The following EMC7 variants were observed in gnomAD, a reference collection of about 807,000 sequenced individuals.
EMC7 encodes the protein ER membrane protein complex subunit 7, also known as endoplasmic reticulum membrane protein complex subunit 7.
A neutral mutation model predicts 24.4 loss-of-function variants in EMC7; 4 were observed. The ratio of observed to expected loss-of-function variants is 0.16; its 90% CI spans 0.08 to 0.38. The LOEUF is 0.38. EMC7 is among the 10% of genes least tolerant of loss of function. EMC7 has a pLI of 1.00. For missense variants in EMC7, 221 were observed against 300.6 expected, an observed-to-expected ratio of 0.74 and a Z score of 1.96; for synonymous variants, 106 against 112.0, an observed-to-expected ratio of 0.95 and a Z score of 0.34.
intron 2 of EMC7, among the ~76,000 whole-genome samples, chr15:34,093,806 C>CACACACACAT (rs61440619): frequency 2.0e-4 from 6 of 30,252 alleles, no homozygotes; most frequent in African/African-American, 5.2e-4. Context: ...CACACACACA[C>CACACACACAT]ATATATATAT....
In EMC7 at chr15:34,101,725, C is replaced by T; in HGVS notation, c.115G>A (p.Val39Ile). The T allele has an allele frequency of 6.2e-7, 1 of 1,613,904 alleles. No homozygotes were observed. The change falls in exon 1 of 5, where the codon GTC becomes ATC. Residue 39 changes from valine (V) to isoleucine (I), a missense_variant. Physicochemically the swap from Val to Ile is conservative, Grantham distance 29 (BLOSUM62 3). Transcript: ENST00000256545. ...AAAEGSGGSGVGIGDRFKIEG... is the reference protein window; with the variant it reads ...AAAEGSGGSGIGIGDRFKIEG... Reference sequence around the variant, plus strand: ...ATCTTGAAGCGATCTCCTATGCCGACCCCACTCCCTCCCGATCCCTCAGCA... The same window carrying T: ...ATCTTGAAGCGATCTCCTATGCCGATCCCACTCCCTCCCGATCCCTCAGCA...
chr15:34,093,823 A>ATATATATATT (rs1190830993), intron 2 of EMC7, among the ~76,000 whole-genome samples: 8 of 48,706 alleles, frequency 1.6e-4, no homozygotes, highest in African/African-American at 5.5e-4. Context: ...ATATATATAT[A>ATATATATATT]TTTTTTTTTT....
At chr15:34,097,308 C>T (rs1358970507) in intron 1 of EMC7, among the ~76,000 whole-genome samples, 3 of 152,170 alleles carry the variant, frequency 2.0e-5, no homozygotes, top group Non-Finnish European at 2.9e-5. Flanking sequence ...GCTGGGATTA[C>T]AGGCGTGAGC....
intron 1 of EMC7, among the ~76,000 whole-genome samples, chr15:34,099,493 C>T (rs900669250): frequency 6.6e-6 from 1 of 152,180 alleles, no homozygotes; most frequent in Non-Finnish European, 1.5e-5. Context: ...CCAATAAGCA[C>T]AAATGTAAGT....
intron 1 of EMC7, among the ~76,000 whole-genome samples, chr15:34,099,835 G>A (rs1001545947): frequency 6.6e-6 from 1 of 151,746 alleles, no homozygotes; most frequent in Non-Finnish European, 1.5e-5. Flanking sequence ...AAACTCCTGG[G>A]CTCAAGCGAT....
At chr15:34,088,999 G>T (rs1317313504) in intron 3 of EMC7, among the ~76,000 whole-genome samples, 1 of 152,044 alleles carries the variant, frequency 6.6e-6, no homozygotes, top group Non-Finnish European at 1.5e-5. Flanking sequence ...TGGGATTACA[G>T]GTCCCCGCCA....
chr15:34,097,540 CA>C (rs1253116431), intron 1 of EMC7, among the ~76,000 whole-genome samples: 1 of 151,846 alleles, frequency 6.6e-6, no homozygotes, highest in African/African-American at 2.4e-5. Flanking sequence ...TTTCACAGAT[CA>C]AAATTAATTT....
chr15:34,088,215 T>C (rs1486200517), intron 3 of EMC7, 82 bp from the exon 4 acceptor site: 3 of 1,183,136 alleles, frequency 2.5e-6, no homozygotes, highest in Non-Finnish European at 3.6e-6. Flanking sequence ...CAACCAATGG[T>C]AAAATTAAAG....
intron 4 of EMC7, among the ~76,000 whole-genome samples, chr15:34,085,515 A>G (rs779383507): frequency 1.1e-4 from 16 of 150,434 alleles, no homozygotes; most frequent in Non-Finnish European, 2.2e-4. Flanking sequence ...TTTTTAGGAG[A>G]CAGTGCTCAG....
intron 3 of EMC7, among the ~76,000 whole-genome samples, chr15:34,089,383 T>A (rs1243186989): frequency 1.3e-5 from 2 of 152,236 alleles, no homozygotes; most frequent in Non-Finnish European, 2.9e-5. Context: ...ATACACATCG[T>A]ATGCCTATAT....
intron 1 of EMC7, among the ~76,000 whole-genome samples, chr15:34,099,005 T>C (rs1307635447): frequency 1.3e-5 from 2 of 152,110 alleles, no homozygotes; most frequent in Non-Finnish European, 2.9e-5. Flanking sequence ...GAAAGAACAA[T>C]TATATAAAAA....
intron 3 of EMC7, among the ~76,000 whole-genome samples, chr15:34,088,946 C>A (rs566161415): frequency 1.3e-5 from 2 of 152,100 alleles, no homozygotes; most frequent in Non-Finnish European, 2.9e-5. Context: ...ACCTCCACCC[C>A]CTCTGGTTCA....
At chr15:34,096,551 G>C (rs1396872599) in intron 1 of EMC7, among the ~76,000 whole-genome samples, 2 of 152,162 alleles carry the variant, frequency 1.3e-5, no homozygotes, top group African/African-American at 4.8e-5. Context: ...GACATAGAAA[G>C]TAATTATTTT....
intron 4 of EMC7, among the ~76,000 whole-genome samples, chr15:34,087,059 C>G (rs1266252397): frequency 6.6e-6 from 1 of 152,098 alleles, no homozygotes; most frequent in Non-Finnish European, 1.5e-5. Flanking sequence ...GAAAAAGTCA[C>G]AAAATCCCCT....
intron 2 of EMC7, among the ~76,000 whole-genome samples, chr15:34,093,823 A>ATATATATTTTTTT (rs1190830993): frequency 5.8e-4 from 28 of 48,676 alleles, no homozygotes; most frequent in African/African-American, 2.7e-3. Context: ...ATATATATAT[A>ATATATATTTTTTT]TTTTTTTTTT....
intron 3 of EMC7, among the ~76,000 whole-genome samples, chr15:34,089,047 G>A (rs1034677183): frequency 6.6e-6 from 1 of 151,834 alleles, no homozygotes; most frequent in Non-Finnish European, 1.5e-5. Context: ...TGATAGAGAT[G>A]AGGTTTCACC....
chr15:34,095,018 T>C (rs1327177873), intron 2 of EMC7, among the ~76,000 whole-genome samples: 1 of 152,232 alleles, frequency 6.6e-6, no homozygotes, highest in Admixed American at 6.5e-5. Flanking sequence ...TAACTGAACA[T>C]GTGTCAGCTC....
At position 34,092,442 on chromosome 15, in the gene EMC7, G is replaced by A. The variant is rs187631355; in HGVS notation, c.357-1987C>T. Among the ~76,000 whole-genome samples the A allele has an allele frequency of 7.6e-3, 1,159 of 152,032 alleles. 21 individuals are homozygous for A. Among genetic ancestry groups the A allele is most frequent in the Non-Finnish European group, 6.5e-3 (445 of 67,970 alleles). ...CGGCTCACTGCAACCTTTGCCTCCCGGGTTCAAGTGATTCTCCTGCCTCAG... is the reference window on the plus strand; with the variant it reads ...CGGCTCACTGCAACCTTTGCCTCCCAGGTTCAAGTGATTCTCCTGCCTCAG... On this transcript the variant is annotated intron_variant, in intron 2 of 4. Coordinates refer to ENST00000256545, the MANE Select transcript of EMC7 (RefSeq NM_020154.3).
At chr15:34,097,039 CTT>C (rs553769836) in intron 1 of EMC7, among the ~76,000 whole-genome samples, 15 of 97,614 alleles carry the variant, frequency 1.5e-4, no homozygotes, top group East Asian at 5.3e-4. Context: ...TGTTCTTCTT[CTT>C]TTTTTTTTTT....
Sources: allele counts gnomAD v4.1 joint callset (sites outside exome capture counted in the v4.1 genomes callset), GRCh38; gene constraint gnomAD v4.1.1; transcripts MANE v1.5; gene names NCBI Gene and HGNC (gene_info 2026-07-23, HGNC 2026-07-21).